Variants in RBFOX1 observed in about 807,000 individuals in gnomAD.
RBFOX1 encodes RNA binding protein fox-1 homolog 1.
RBFOX1 carries 8 observed loss-of-function variants against 57.7 expected under a neutral mutation model. The observed-to-expected ratio is 0.14, with a 90% CI of 0.08 to 0.25. The LOEUF (loss-of-function observed/expected upper bound fraction) is 0.25. RBFOX1 is among the 10% of genes least tolerant of loss of function. The pLI is 1.00. For missense variants in RBFOX1, 611 were observed against 548.5 expected, an observed-to-expected ratio of 1.11 and a Z score of -1.14; for synonymous variants, 326 against 222.4, an observed-to-expected ratio of 1.47 and a Z score of -4.15.
chr16:5,473,413 T>C (rs2069206120), intron 2 of RBFOX1, among the ~76,000 whole-genome samples: 1 of 152,174 alleles, frequency 6.6e-6, no homozygotes, highest in African/African-American at 2.4e-5. Context: ...TTTTTTTCTT[T>C]TTTTCTTTTT....
chr16:5,402,223 C>G (rs1378585321), intron 1 of RBFOX1, among the ~76,000 whole-genome samples: 2 of 152,102 alleles, frequency 1.3e-5, no homozygotes, highest in Non-Finnish European at 2.9e-5. Flanking sequence ...CCCCAGCGTA[C>G]TGGAGAAGAT....
chr16:7,230,098 G>A (rs957235294), intron 4 of RBFOX1, among the ~76,000 whole-genome samples: 6 of 143,918 alleles, frequency 4.2e-5, no homozygotes, highest in Non-Finnish European at 9.2e-5. Flanking sequence ...AAAGGGGAGG[G>A]AAAGAAGGAA....
At chr16:6,069,438 G>A (rs1376763847) in intron 1 of RBFOX1, among the ~76,000 whole-genome samples, 1 of 151,152 alleles carries the variant, frequency 6.6e-6, no homozygotes, top group African/African-American at 2.4e-5. Context: ...AAGGGGGAGA[G>A]GGAGAGAAGA....
intron 1 of RBFOX1, among the ~76,000 whole-genome samples, chr16:5,424,806 G>A (rs1172062908): frequency 6.6e-6 from 1 of 151,036 alleles, no homozygotes; most frequent in Non-Finnish European, 1.5e-5. Flanking sequence ...CATGGTGTCT[G>A]TTTTCTCTTC....
chr16:6,331,124 G>T lies in RBFOX1; in HGVS notation c.-64+14067G>T, dbSNP rs1399977951. 2.0e-5 allele frequency among the ~76,000 whole-genome samples: 3 copies of T among 152,150 alleles called. No individual in the cohort carries two copies. In the East Asian group the frequency reaches 5.8e-4, roughly 29 times the overall value. On this transcript the variant is annotated intron_variant, in intron 2 of 15. Coordinates refer to ENST00000550418, the MANE Select transcript of RBFOX1 (RefSeq NM_018723.4). ...GCTACTGTGTTGAAGAAGGCTTGAA[G>T]AGGAGGCAAAAAGAACAGTTAAGTG...
chr16:5,464,276 G>A (rs1397191412), intron 1 of RBFOX1, among the ~76,000 whole-genome samples: 1 of 152,246 alleles, frequency 6.6e-6, no homozygotes, highest in African/African-American at 2.4e-5. Context: ...CACAGTCAGG[G>A]GTCCCCAGTG....
At chr16:7,158,464 G>T (rs747096890) in intron 4 of RBFOX1, among the ~76,000 whole-genome samples, 1 of 152,138 alleles carries the variant, frequency 6.6e-6, no homozygotes, top group Non-Finnish European at 1.5e-5. Context: ...GCAATCTCCT[G>T]ACCTTTTTCA....
chr16:6,237,501 T>C (rs952468716), intron 1 of RBFOX1, among the ~76,000 whole-genome samples: 3 of 152,108 alleles, frequency 2.0e-5, no homozygotes, highest in African/African-American at 7.2e-5. Context: ...CCTGCCTTAT[T>C]GGGAGGCCAA....
chr16:7,009,293 C>T (rs1057351212), intron 3 of RBFOX1, among the ~76,000 whole-genome samples: 6 of 147,704 alleles, frequency 4.1e-5, no homozygotes, highest in African/African-American at 1.5e-4. Context: ...CTCTCTCACT[C>T]TCTGTCTCTT....
rs118153934 is a variant in RBFOX1 at position 6,504,267 on chromosome 16, C to T, written c.-63-150336C>T. Among the ~76,000 whole-genome samples, 739 of 152,252 alleles carry T rather than the reference C, an allele frequency of 4.9e-3. 23 individuals are homozygous for T. In the East Asian group the frequency reaches 0.096, roughly 20 times the overall value. ...CGATTCTGAGCTTCTCCACAGTCCA[C>T]CTGTTGGGAATCTATTTGCTTTGGA... On this transcript the variant is annotated intron_variant, in intron 2 of 15. Transcript: ENST00000550418.
intron 10 of RBFOX1, among the ~76,000 whole-genome samples, chr16:7,609,837 A>C (rs566878520): frequency 7.2e-6 from 1 of 138,560 alleles, no homozygotes; most frequent in Non-Finnish European, 1.6e-5. Context: ...GTTTGTTTTG[A>C]GATGGAGTTT....
chr16:5,701,009 G>A (rs566140772), intron 3 of RBFOX1, among the ~76,000 whole-genome samples: 4 of 152,292 alleles, frequency 2.6e-5, no homozygotes, highest in South Asian at 2.1e-4. Context: ...GGCAAAAAGA[G>A]GAGATGTTCA....
intron 14 of RBFOX1, among the ~76,000 whole-genome samples, chr16:7,697,411 T>C (rs960330597): frequency 6.6e-6 from 1 of 152,208 alleles, no homozygotes; most frequent in African/African-American, 2.4e-5. Context: ...CCTTTATCCC[T>C]GTAGTAATTG....
chr16:7,283,056 A>C (rs144959997), intron 4 of RBFOX1, among the ~76,000 whole-genome samples: 1,601 of 152,244 alleles, frequency 0.011, 21 homozygotes, highest in Non-Finnish European at 0.018. Flanking sequence ...TGCTGCTATA[A>C]ATATGCATGT....
intron 4 of RBFOX1, among the ~76,000 whole-genome samples, chr16:7,138,545 T>C (rs8052094): frequency 0.75 from 113,548 of 152,020 alleles, 42,887 homozygotes; most frequent in Middle Eastern, 0.83. Context: ...TTTTGTGTTA[T>C]TGTGAAACAA....
In RBFOX1 at chr16:7,582,502, A is replaced by G. The variant is rs138337490; in HGVS notation, c.414+2582A>G. Reference sequence around the variant, plus strand: ...CACTAAAAATCTGTTCTTTCCTGCCAAACACCGGTGGTCATGGAGCCGTTC... The same window carrying G: ...CACTAAAAATCTGTTCTTTCCTGCCGAACACCGGTGGTCATGGAGCCGTTC... On this transcript the variant is annotated intron_variant, in intron 6 of 15. Coordinates refer to ENST00000550418, the MANE Select transcript of RBFOX1 (RefSeq NM_018723.4). 2.4e-3 allele frequency among the ~76,000 whole-genome samples: 360 copies of G among 152,270 alleles called. 2 individuals carry two copies. Among genetic ancestry groups the G allele is most frequent in the African/African-American group, 8.2e-3 (341 of 41,552 alleles).
intron 3 of RBFOX1, among the ~76,000 whole-genome samples, chr16:7,032,054 C>T (rs543622636): frequency 6.6e-6 from 1 of 152,262 alleles, no homozygotes; most frequent in African/African-American, 2.4e-5. Context: ...TATTTAGTGG[C>T]TTGGAAGCTG....
chr16:6,797,253 C>A lies in RBFOX1; in HGVS notation c.-16+142603C>A, dbSNP rs112533519. On this transcript the variant is annotated intron_variant, in intron 3 of 15. Transcript: ENST00000550418. ...GTGCCTTTGATGGATATTGTTATTC[C>A]CCCATAACGCTGTCCTTAGGATCCT... Among the ~76,000 whole-genome samples the A allele has an allele frequency of 8.5e-4, 129 of 152,174 alleles. 1 individual carries two copies. The highest frequency in any genetic ancestry group is 3.0e-3 in the African/African-American group (124 of 41,506).
At chr16:5,555,614 C>G (rs562241095) in intron 2 of RBFOX1, among the ~76,000 whole-genome samples, 4 of 152,064 alleles carry the variant, frequency 2.6e-5, no homozygotes, top group Admixed American at 6.6e-5. Flanking sequence ...TTGGAGAGAC[C>G]GTGAAAGTTA....
Sources: gnomAD v4.1 joint callset for allele counts (sites outside exome capture counted in the v4.1 genomes callset) on GRCh38, gnomAD v4.1.1 for gene constraint, MANE v1.5 for transcripts, NCBI Gene and HGNC (gene_info 2026-07-23, HGNC 2026-07-21) for gene names.